The following SYTL3 variants were observed in gnomAD, a reference collection of about 807,000 sequenced individuals.
The protein encoded by SYTL3 is synaptotagmin-like protein 3.
Under a neutral mutation model 82.1 loss-of-function variants are expected in SYTL3, and 88 were observed. That is an observed-to-expected ratio of 1.07 (90% confidence interval 0.90 to 1.28). SYTL3 has a LOEUF of 1.28. Among genes scored for constraint, SYTL3 ranks in the 50% most tolerant of loss-of-function variants. The pLI, the probability that SYTL3 is intolerant of heterozygous loss-of-function variation, is 0.00. For synonymous variants in SYTL3, 311 were observed against 289.4 expected (o/e 1.07, Z -0.76); for missense variants, 831 against 757.6 (o/e 1.10, Z -1.14).
intron 6 of SYTL3, among the ~76,000 whole-genome samples, chr6:158,700,737 C>T (rs1455539419): frequency 1.3e-5 from 2 of 152,204 alleles, no homozygotes; most frequent in Non-Finnish European, 2.9e-5. Context: ...CTGCCTCAGC[C>T]TCCTGAGTAG....
chr6:158,656,228 C>T (rs531321293), intron 2 of SYTL3, among the ~76,000 whole-genome samples: 41 of 152,170 alleles, frequency 2.7e-4, no homozygotes, highest in Non-Finnish European at 4.8e-4. Flanking sequence ...CCTCTTCTCC[C>T]AGGCCTGGCG....
At chr6:158,748,259 A>T in intron 12 of SYTL3, among the ~76,000 whole-genome samples, 1 of 152,120 alleles carries the variant, frequency 6.6e-6, no homozygotes, top group Non-Finnish European at 1.5e-5. Context: ...TGTTGATTTA[A>T]TCAAACTCTC....
At chr6:158,756,253 G>T (rs1360798707) in intron 13 of SYTL3, among the ~76,000 whole-genome samples, 1 of 152,196 alleles carries the variant, frequency 6.6e-6, no homozygotes, top group Non-Finnish European at 1.5e-5. Context: ...ACTCTTGGGT[G>T]TGTTGGGAGC....
At chr6:158,699,878 C>T (rs1006652148) in intron 6 of SYTL3, among the ~76,000 whole-genome samples, 8 of 151,636 alleles carry the variant, frequency 5.3e-5, no homozygotes, top group African/African-American at 9.7e-5. Flanking sequence ...ACCAGGGGCG[C>T]GAAGGTTGTG....
At chr6:158,747,043 T>C (rs961010682) in intron 12 of SYTL3, among the ~76,000 whole-genome samples, 1 of 152,010 alleles carries the variant, frequency 6.6e-6, no homozygotes, top group Non-Finnish European at 1.5e-5. Flanking sequence ...CTGGAGTGTA[T>C]TGGCACGATG....
intron 10 of SYTL3, among the ~76,000 whole-genome samples, chr6:158,723,089 CTTTTT>C (rs745395918): frequency 1.1e-5 from 1 of 89,862 alleles, no homozygotes; most frequent in Non-Finnish European, 2.1e-5. Context: ...AACAGCTACT[CTTTTT>C]TTTTTTTTTT....
intron 5 of SYTL3, among the ~76,000 whole-genome samples, chr6:158,670,807 A>ATTTT (rs35123978): frequency 6.8e-6 from 1 of 147,490 alleles, no homozygotes; most frequent in Non-Finnish European, 1.5e-5. Context: ...TGTACAGAGT[A>ATTTT]TTTTTTTTTT....
chr6:158,754,307 GGGTGACATT>G (rs1469684971), intron 13 of SYTL3, among the ~76,000 whole-genome samples: 1 of 152,174 alleles, frequency 6.6e-6, no homozygotes, highest in Non-Finnish European at 1.5e-5. Context: ...TGATCTCACT[GGGTGACATT>G]GGTCATTGCC....
intron 10 of SYTL3, 50 bp from the exon 11 acceptor site, chr6:158,725,453 C>T: frequency 6.3e-7 from 1 of 1,597,264 alleles, no homozygotes; most frequent in Non-Finnish European, 8.5e-7. Context: ...TTGAACAAAA[C>T]CAAACTGGGA....
intron 7 of SYTL3, 58 bp downstream of exon 7, chr6:158,707,339 ACT>A (rs1180953065): frequency 7.4e-6 from 11 of 1,493,036 alleles, no homozygotes; most frequent in Admixed American, 3.4e-5. Context: ...CGCAGAGGAC[ACT>A]CTGCAAGAAC....
At chr6:158,654,354 A>G (rs1788418002) in intron 2 of SYTL3, among the ~76,000 whole-genome samples, 1 of 152,220 alleles carries the variant, frequency 6.6e-6, no homozygotes, top group African/African-American at 2.4e-5. Context: ...CTTGATACAT[A>G]GAGGCCAATA....
At chr6:158,646,610 T>C (rs547686656), upstream of SYTL3, among the ~76,000 whole-genome samples, 1 of 152,358 alleles carries the variant, frequency 6.6e-6, no homozygotes, top group Non-Finnish European at 1.5e-5. Context: ...GGCAGAGCCC[T>C]GACTGACACA....
At chr6:158,661,133 TAAG>T (rs1382522011) in intron 2 of SYTL3, 133 bp from the exon 3 acceptor site, 1 of 152,236 alleles carries the variant, frequency 6.6e-6, no homozygotes, top group African/African-American at 2.4e-5. Context: ...AGAGTGGAAA[TAAG>T]AAGACAGCAT....
intron 2 of SYTL3, among the ~76,000 whole-genome samples, chr6:158,656,807 A>G (rs976803529): frequency 4.6e-5 from 7 of 152,192 alleles, no homozygotes; most frequent in African/African-American, 1.7e-4. Context: ...TTGTGTGGTG[A>G]TGGCGGGACA....
At chr6:158,749,406 AAAAAG>A (rs1447398754) in intron 12 of SYTL3, among the ~76,000 whole-genome samples, 24 of 148,238 alleles carry the variant, frequency 1.6e-4, no homozygotes, top group Non-Finnish European at 3.1e-4. Context: ...AAAAAAAAAA[AAAAAG>A]AAAGAAAAAA....
At chr6:158,677,198 C>T (rs1778136312) in intron 5 of SYTL3, among the ~76,000 whole-genome samples, 1 of 152,114 alleles carries the variant, frequency 6.6e-6, no homozygotes, top group South Asian at 2.1e-4. Context: ...AAATGTGGCA[C>T]ATATACACCA....
upstream of SYTL3, among the ~76,000 whole-genome samples, chr6:158,646,054 T>A (rs1355086487): frequency 2.0e-5 from 3 of 152,212 alleles, no homozygotes; most frequent in Non-Finnish European, 2.9e-5. Flanking sequence ...GCAGGAAGGA[T>A]CTGTTTTATT....
intron 6 of SYTL3, among the ~76,000 whole-genome samples, chr6:158,700,697 A>C (rs1480627628): frequency 6.6e-6 from 1 of 152,116 alleles, no homozygotes; most frequent in African/African-American, 2.4e-5. Flanking sequence ...GCTCACTGCA[A>C]GGTCCGCCTC....
intron 16 of SYTL3, 45 bp from the exon 17 acceptor site, chr6:158,763,259 G>A: frequency 2.5e-6 from 4 of 1,589,342 alleles, no homozygotes; most frequent in Non-Finnish European, 3.5e-6. Flanking sequence ...AGGAGAGAAG[G>A]CCGTGTGGAT....
Sources: allele counts gnomAD v4.1 joint callset (sites outside exome capture counted in the v4.1 genomes callset), GRCh38; gene constraint gnomAD v4.1.1; transcripts MANE v1.5; gene names NCBI Gene and HGNC (gene_info 2026-07-23, HGNC 2026-07-21).